Variants in PTBP2 observed in about 807,000 individuals in gnomAD.
PTBP2 encodes the protein polypyrimidine tract binding protein 2, also known as polypyrimidine tract-binding protein 2.
In PTBP2, 13 loss-of-function variants were observed where a neutral mutation model predicts 61.4. The observed-to-expected ratio is 0.21, with a 90% CI of 0.14 to 0.34. The LOEUF is 0.34. PTBP2 is among the 10% of genes least tolerant of loss of function. PTBP2 has a pLI of 1.00. For synonymous variants in PTBP2, 215 were observed against 218.5 expected, an observed-to-expected ratio of 0.98 and a Z score of 0.14; for missense variants, 405 against 642.6, an observed-to-expected ratio of 0.63 and a Z score of 4.00.
intron 3 of PTBP2, among the ~76,000 whole-genome samples, chr1:96,761,453 A>T (rs1353398115): frequency 1.3e-5 from 2 of 151,756 alleles, no homozygotes; most frequent in Non-Finnish European, 2.9e-5. Context: ...TTTCACAGGT[A>T]GGATCAGTAT....
chr1:96,752,304 T>C (rs573787997), intron 3 of PTBP2, among the ~76,000 whole-genome samples: 2 of 152,276 alleles, frequency 1.3e-5, no homozygotes, highest in East Asian at 3.9e-4. Context: ...CCTTTTTCTG[T>C]ATTTTAACTT....
chr1:96,801,163 A>C, intron 8 of PTBP2, among the ~76,000 whole-genome samples: 1 of 152,110 alleles, frequency 6.6e-6, no homozygotes, highest in Non-Finnish European at 1.5e-5. Context: ...ATATTTTATG[A>C]ATTTATACTT....
At chr1:96,762,765 G>A (rs952494241) in intron 3 of PTBP2, among the ~76,000 whole-genome samples, 13 of 151,700 alleles carry the variant, frequency 8.6e-5, no homozygotes, top group African/African-American at 2.9e-4. Context: ...GGGCGGAGAC[G>A]CTCCTCACTT....
chr1:96,806,353 T>C lies in PTBP2; in HGVS notation c.1045-66T>C. ...CCCTTCGTTATGGATGATCTGTTCA[T>C]CTCCGCTCTTCCTCGACTCTTCTCT... On this transcript the variant is annotated intron_variant, in intron 9 of 13. Coordinates refer to ENST00000674951, the MANE Select transcript of PTBP2 (RefSeq NM_021190.4). 4.0e-6 allele frequency: 5 copies of C among 1,247,024 alleles called. No homozygotes were observed. The South Asian group carries it at 4.8e-5, about 12-fold the overall frequency. 77.2% of individuals were successfully genotyped at this position (1,247,024 alleles called of 1,614,324 possible).
At chr1:96,792,720 C>T (rs201117817) in intron 8 of PTBP2, among the ~76,000 whole-genome samples, 1 of 151,560 alleles carries the variant, frequency 6.6e-6, no homozygotes, top group South Asian at 2.1e-4. Flanking sequence ...GGGTACAAAA[C>T]GGGTAGATAT....
intron 2 of PTBP2, among the ~76,000 whole-genome samples, chr1:96,733,887 C>G (rs1233495866): frequency 1.3e-5 from 2 of 152,158 alleles, no homozygotes; most frequent in Non-Finnish European, 2.9e-5. Context: ...TATGACTGAT[C>G]TCCAAAAAGA....
chr1:96,806,906 T>C lies in PTBP2; in HGVS notation c.1119T>C (p.Asn373=). 1 of 1,612,514 alleles carries C rather than the reference T, an allele frequency of 6.2e-7. No homozygotes were observed. The highest frequency in any genetic ancestry group is 1.1e-5 in the South Asian group (1 of 90,796). Residue 373 remains asparagine, a synonymous_variant, in exon 11 of 14, where the codon AAT becomes AAC. Transcript: ENST00000674951. The stretch of plus-strand genomic sequence containing the variant: ...TGCAGCGTGTGAAGATTTTATACAA[T>C]AAGAAAGACAGCGCTCTAATACAGA... ...GDVQRVKILY[N]KKDSALIQMA... is the part of the protein sequence containing the mutation.
chr1:96,782,550 T>C (rs1658794693), intron 7 of PTBP2, among the ~76,000 whole-genome samples: 1 of 151,996 alleles, frequency 6.6e-6, no homozygotes, highest in Admixed American at 6.6e-5. Context: ...TTTAGGAAAA[T>C]CCTGCATAAT....
intron 11 of PTBP2, among the ~76,000 whole-genome samples, chr1:96,809,966 A>C (rs1394951530): frequency 1.3e-5 from 2 of 152,240 alleles, no homozygotes; most frequent in South Asian, 2.1e-4. Context: ...GAAAAGACTA[A>C]AAAAATAGAC....
At chr1:96,770,975 A>C (rs1657309954) in intron 5 of PTBP2, 124 bp downstream of exon 5, 6 of 797,480 alleles carry the variant, frequency 7.5e-6, no homozygotes, top group East Asian at 2.7e-5. Flanking sequence ...GTTATTTTTA[A>C]GGTATTTTCA....
chr1:96,723,426 T>C (rs1649917196), intron 1 of PTBP2, 138 bp from the exon 2 acceptor site: 2 of 594,502 alleles, frequency 3.4e-6, no homozygotes, highest in Admixed American at 2.8e-5. Flanking sequence ...GGATCATCTG[T>C]GGTATTTTTT....
At chr1:96,762,448 AC>A (rs1187793313) in intron 3 of PTBP2, among the ~76,000 whole-genome samples, 3 of 113,944 alleles carry the variant, frequency 2.6e-5, no homozygotes, top group Admixed American at 9.0e-5. Context: ...CGGGGGGCTG[AC>A]CCCCCCACCT....
At chr1:96,774,109 A>G (rs1354877583) in intron 5 of PTBP2, among the ~76,000 whole-genome samples, 1 of 149,306 alleles carries the variant, frequency 6.7e-6, no homozygotes, top group East Asian at 2.0e-4. Flanking sequence ...ACAAAGCAAG[A>G]CACAGTCTCT....
chr1:96,725,768 C>T (rs72721957), intron 2 of PTBP2, among the ~76,000 whole-genome samples: 44,446 of 151,836 alleles, frequency 0.29, 7,273 homozygotes, highest in East Asian at 0.47. Flanking sequence ...TTTAAAGACA[C>T]TGATGCATGT....
chr1:96,769,613 T>C (rs1366541232), intron 3 of PTBP2, 90 bp from the exon 4 acceptor site: 1 of 960,414 alleles, frequency 1.0e-6, no homozygotes, highest in Non-Finnish European at 1.5e-6. Context: ...TAAGTTCTTT[T>C]TGGAAATTTG....
intron 2 of PTBP2, among the ~76,000 whole-genome samples, chr1:96,734,552 G>A (rs1399817486): frequency 6.6e-6 from 1 of 151,040 alleles, no homozygotes; most frequent in African/African-American, 2.4e-5. Context: ...ATCTTTTAAT[G>A]TACAAGCTCT....
At chr1:96,766,906 C>A (rs1258745984) in intron 3 of PTBP2, among the ~76,000 whole-genome samples, 3 of 151,988 alleles carry the variant, frequency 2.0e-5, no homozygotes, top group African/African-American at 7.3e-5. Flanking sequence ...AATCATGCTC[C>A]CTGAGTTTAA....
intron 7 of PTBP2, among the ~76,000 whole-genome samples, chr1:96,782,210 C>G (rs564278075): frequency 3.3e-5 from 5 of 152,050 alleles, no homozygotes; most frequent in African/African-American, 1.2e-4. Flanking sequence ...ATTGTGTCTT[C>G]TGGAAGTCCT....
chr1:96,796,409 G>A (rs1660396213), intron 8 of PTBP2, among the ~76,000 whole-genome samples: 1 of 152,046 alleles, frequency 6.6e-6, no homozygotes, highest in South Asian at 2.1e-4. Context: ...GGAGAAAGAA[G>A]AACAGATGAA....
Sources: allele counts gnomAD v4.1 joint callset (sites outside exome capture counted in the v4.1 genomes callset), GRCh38; gene constraint gnomAD v4.1.1; transcripts MANE v1.5; gene names NCBI Gene and HGNC (gene_info 2026-07-23, HGNC 2026-07-21).